MRE11: variants seen among roughly 807,000 people sequenced by gnomAD.
MRE11 encodes double-strand break repair protein MRE11.
In MRE11, 62 loss-of-function variants were observed where a neutral mutation model predicts 91.7. That is an observed-to-expected ratio of 0.68 (90% CI 0.55 to 0.84). The LOEUF (loss-of-function observed/expected upper bound fraction) is 0.84. MRE11 is among the 40% of genes least tolerant of loss of function. MRE11 has a pLI of 0.00. For synonymous variants in MRE11, 273 were observed against 271.4 expected (o/e 1.01, Z -0.06); for missense variants, 796 against 852.9 (o/e 0.93, Z 0.83).
At chr11:94,497,980 A>G, upstream of MRE11, 1 of 975,514 alleles carries the variant, frequency 1.0e-6, no homozygotes, top group African/African-American at 1.6e-5. Flanking sequence ...TTTTTATTCA[A>G]CTTAATTAAA....
intron 14 of MRE11, among the ~76,000 whole-genome samples, chr11:94,454,558 A>C (rs751757239): frequency 2.6e-5 from 4 of 152,194 alleles, no homozygotes; most frequent in Admixed American, 2.6e-4. Flanking sequence ...TATGCTGAAA[A>C]TGAAAAAATA....
At chr11:94,422,841 G>A (rs1216970374) in intron 19 of MRE11, among the ~76,000 whole-genome samples, 2 of 151,966 alleles carry the variant, frequency 1.3e-5, no homozygotes, top group Admixed American at 1.3e-4. Context: ...AGCCTCCTGA[G>A]TAGGTGGGAT....
intron 11 of MRE11, 127 bp downstream of exon 11, chr11:94,463,986 G>C: frequency 9.8e-7 from 1 of 1,022,826 alleles, no homozygotes; most frequent in South Asian, 1.5e-5. Context: ...TATTCCCACT[G>C]TCAATTTGTT....
intron 9 of MRE11, among the ~76,000 whole-genome samples, chr11:94,468,560 G>C (rs1946629823): frequency 6.6e-6 from 1 of 152,090 alleles, no homozygotes; most frequent in Non-Finnish European, 1.5e-5. Flanking sequence ...TCTTGTATTG[G>C]AACAAAAACT....
At chr11:94,493,005 A>T (rs961505839) in intron 1 of MRE11, 99 bp from the exon 2 acceptor site, 2 of 577,312 alleles carry the variant, frequency 3.5e-6, no homozygotes, top group Non-Finnish European at 6.1e-6. Context: ...TCTTAATTAG[A>T]CTGGCAAATT....
At chr11:94,506,241 G>T in the MRE11 span, among the ~76,000 whole-genome samples, 2 of 151,132 alleles carry the variant, frequency 1.3e-5, no homozygotes, top group African/African-American at 4.9e-5. Flanking sequence ...TATTACCTGG[G>T]TGATGAAATA....
At chr11:94,457,383 C>G (rs930184639) in intron 13 of MRE11, among the ~76,000 whole-genome samples, 1 of 152,058 alleles carries the variant, frequency 6.6e-6, no homozygotes, top group Non-Finnish European at 1.5e-5. Context: ...CTCTTTGAAG[C>G]GATTCTGCTC....
intron 15 of MRE11, among the ~76,000 whole-genome samples, chr11:94,446,371 C>A (rs1945932205): frequency 6.6e-6 from 1 of 152,114 alleles, no homozygotes; most frequent in African/African-American, 2.4e-5. Flanking sequence ...CGCACCATTG[C>A]ACTCCAGCCT....
chr11:94,453,252 C>T (rs2134952215), intron 14 of MRE11, among the ~76,000 whole-genome samples: 1 of 152,232 alleles, frequency 6.6e-6, no homozygotes, highest in Admixed American at 6.5e-5. Flanking sequence ...GGGTTGTTTC[C>T]ACTTTTCGGC....
At chr11:94,485,902 T>C (rs768997034) in intron 4 of MRE11, 22 bp downstream of exon 4, 4 of 1,606,200 alleles carry the variant, frequency 2.5e-6, no homozygotes, top group Non-Finnish European at 3.4e-6. Flanking sequence ...AATCACTCAC[T>C]CAAGTAAATA....
intron 14 of MRE11, among the ~76,000 whole-genome samples, chr11:94,452,741 CTA>C (rs926875445): frequency 8.3e-4 from 126 of 152,236 alleles, no homozygotes; most frequent in African/African-American, 2.8e-3. Context: ...GAGTGCAGGT[CTA>C]GAGCCAATGG....
chr11:94,498,739 T>G (rs1434243865), upstream of MRE11: 3 of 572,606 alleles, frequency 5.2e-6, no homozygotes, highest in Non-Finnish European at 3.0e-6. Context: ...CTGTGGAGTT[T>G]GTGATTTTTT....
intron 6 of MRE11, 38 bp from the exon 7 acceptor site, chr11:94,476,441 T>C (rs766871852): frequency 5.1e-6 from 7 of 1,363,116 alleles, no homozygotes; most frequent in South Asian, 1.2e-5. Context: ...ATTGTTTTCT[T>C]ACTTCGGCTT....
chr11:94,444,593 T>G (rs1945875088), intron 16 of MRE11, among the ~76,000 whole-genome samples: 1 of 152,196 alleles, frequency 6.6e-6, no homozygotes, highest in Non-Finnish European at 1.5e-5. Flanking sequence ...GTTTAAAATA[T>G]CAATAGATTT....
At chr11:94,511,252 T>C in the MRE11 span, among the ~76,000 whole-genome samples, 1 of 152,206 alleles carries the variant, frequency 6.6e-6, no homozygotes, top group South Asian at 2.1e-4. Context: ...GATCTCCTGC[T>C]TTTGCTATGT....
chr11:94,506,934 AACC>A, the MRE11 span, among the ~76,000 whole-genome samples: 59 of 152,256 alleles, frequency 3.9e-4, no homozygotes, highest in African/African-American at 1.3e-3. Context: ...TGATCAAATA[AACC>A]ACATTTTTAT....
chr11:94,501,262 G>T, the MRE11 span, among the ~76,000 whole-genome samples: 30 of 152,236 alleles, frequency 2.0e-4, no homozygotes, highest in African/African-American at 7.0e-4. Context: ...AAGTGGAAAT[G>T]ATCTAAATCA....
upstream of MRE11, chr11:94,498,733 G>C: frequency 1.7e-6 from 1 of 575,768 alleles, no homozygotes; most frequent in South Asian, 2.3e-5. Flanking sequence ...TTATTTCTGT[G>C]GAGTTTGTGA....
At chr11:94,497,816 G>GTAAA, upstream of MRE11, 1 of 407,796 alleles carries the variant, frequency 2.5e-6, no homozygotes, top group South Asian at 4.1e-5. Flanking sequence ...TGGACCAGGA[G>GTAAA]TAAATGTATG....
Sources: allele counts gnomAD v4.1 joint callset (sites outside exome capture counted in the v4.1 genomes callset), GRCh38; gene constraint gnomAD v4.1.1; transcripts MANE v1.5; gene names NCBI Gene and HGNC (gene_info 2026-07-23, HGNC 2026-07-21).